LBP: variants seen among roughly 807,000 people sequenced by gnomAD.
LBP encodes the protein lipopolysaccharide-binding protein.
Under a neutral mutation model 56.6 loss-of-function variants are expected in LBP, and 53 were observed. That is an observed-to-expected ratio of 0.94 (90% CI 0.75 to 1.18). The LOEUF (loss-of-function observed/expected upper bound fraction) is 1.18. Among genes scored for constraint, LBP ranks in the 50% most tolerant of loss-of-function variants. The pLI is 0.00. For missense variants in LBP, 601 were observed against 598.3 expected, an observed-to-expected ratio of 1.00 and a Z score of -0.05; for synonymous variants, 227 against 247.5, an observed-to-expected ratio of 0.92 and a Z score of 0.78.
rs201494895 is a variant in LBP, at chr20:38,360,777, C to A, written c.652+10C>A. The A allele has an allele frequency of 1.1e-4, 179 of 1,590,566 alleles. No individual in the cohort carries two copies. In the African/African-American group the frequency reaches 2.1e-3, roughly 19 times the overall value. On this transcript the variant is annotated intron_variant, in intron 6 of 14. Transcript: ENST00000217407. ...CTCCAAACTCTGCCAGGTAGGACAC[C>A]CCATCCATCCCGGGACACTTTTATT...
chr20:38,349,500 G>T (rs974124770), intron 1 of LBP, 48 bp from the exon 2 acceptor site: 20 of 1,410,324 alleles, frequency 1.4e-5, no homozygotes, highest in East Asian at 1.2e-4. Context: ...TAGAGCAGGG[G>T]AGGAGGCAGG....
intron 6 of LBP, among the ~76,000 whole-genome samples, chr20:38,361,877 C>T (rs2076861395): frequency 6.6e-6 from 1 of 151,796 alleles, no homozygotes; most frequent in South Asian, 2.1e-4. Context: ...GCCCAGCCCT[C>T]CAGGGTCACC....
rs769757826 is a variant in LBP, at chr20:38,364,607, C to T, written c.776C>T (p.Pro259Leu). The T allele has an allele frequency of 9.3e-6, 15 of 1,614,042 alleles. No individual in the cohort carries two copies. The East Asian group carries it at 3.1e-4, about 34-fold the overall frequency. Residue 259 changes from proline to leucine, a missense_variant, in exon 8 of 15, where the codon CCA becomes CTA. Coordinates refer to ENST00000217407, the MANE Select transcript of LBP (RefSeq NM_004139.5). ...GEIFHRNHRS[P>L]VTLLAAVMSL... is the part of the protein sequence containing the mutation. ...ATCTTTCATCGTAACCACCGTTCTCCAGTTACCCTCCTTGCTGCAGTCATG... is the reference window on the plus strand; with the variant it reads ...ATCTTTCATCGTAACCACCGTTCTCTAGTTACCCTCCTTGCTGCAGTCATG...
At chr20:38,369,365 A>G (rs1277988584) in intron 10 of LBP, among the ~76,000 whole-genome samples, 1 of 151,732 alleles carries the variant, frequency 6.6e-6, no homozygotes, top group African/African-American at 2.4e-5. Flanking sequence ...GTAACACCCC[A>G]TTATCTTTCT....
At chr20:38,359,584 AAAAC>A (rs2076852431) in intron 5 of LBP, among the ~76,000 whole-genome samples, 2 of 142,272 alleles carry the variant, frequency 1.4e-5, no homozygotes, top group African/African-American at 6.0e-5. Flanking sequence ...TGTGTCTCAA[AAAAC>A]AAACAACAAC....
chr20:38,363,887 G>T, intron 6 of LBP, 88 bp from the exon 7 acceptor site: 1 of 919,958 alleles, frequency 1.1e-6, no homozygotes. Context: ...AAAGTCACAG[G>T]GAATGTGAGT....
At chr20:38,354,498 A>T (rs1029098960) in intron 4 of LBP, 59 bp downstream of exon 4, 5 of 1,511,700 alleles carry the variant, frequency 3.3e-6, no homozygotes, top group Non-Finnish European at 4.5e-6. Context: ...CGGCCAATCC[A>T]GCGCTCAGCC....
chr20:38,375,961 C>T (rs2083956499), intron 14 of LBP, among the ~76,000 whole-genome samples: 1 of 152,178 alleles, frequency 6.6e-6, no homozygotes, highest in Non-Finnish European at 1.5e-5. Flanking sequence ...TGCTCTTGAG[C>T]ATTTATAAGT....
intron 4 of LBP, 101 bp downstream of exon 4, chr20:38,354,540 C>CT: frequency 9.3e-7 from 1 of 1,076,766 alleles, no homozygotes. Flanking sequence ...ATCCAGGTGG[C>CT]TTGCACAGGC....
In LBP at chr20:38,355,326, G is replaced by C; in HGVS notation, c.525-20G>C. ...CCGGCCATCCCCAAGTTCAGTGGCA[G>C]ACTGTGCTTCTCTCCCCAGGTGGCT... On this transcript the variant is annotated intron_variant, in intron 4 of 14. Transcript: ENST00000217407. 6.2e-7 allele frequency: 1 copy of C among 1,613,256 alleles called. No individual in the cohort carries two copies. Among genetic ancestry groups the C allele is most frequent in the Non-Finnish European group, 8.5e-7 (1 of 1,179,520 alleles).
intron 3 of LBP, among the ~76,000 whole-genome samples, chr20:38,353,980 T>C (rs2122599362): frequency 6.6e-6 from 1 of 152,298 alleles, no homozygotes; most frequent in Non-Finnish European, 1.5e-5. Flanking sequence ...AATTTTTTTT[T>C]TACTTTACAT....
At chr20:38,350,301 G>A (rs745524235) in intron 2 of LBP, among the ~76,000 whole-genome samples, 8 of 152,138 alleles carry the variant, frequency 5.3e-5, no homozygotes, top group Admixed American at 6.5e-5. Flanking sequence ...CTATGTGCCC[G>A]GCAAATAAAA....
At chr20:38,369,337 C>T (rs1460742399) in intron 10 of LBP, among the ~76,000 whole-genome samples, 175 bp downstream of exon 10, 1 of 152,142 alleles carries the variant, frequency 6.6e-6, no homozygotes, top group Non-Finnish European at 1.5e-5. Flanking sequence ...TACCTTACGC[C>T]CCTTGCCACT....
At chr20:38,364,439 A>G (rs1442888576) in intron 7 of LBP, 137 bp from the exon 8 acceptor site, 12 of 826,618 alleles carry the variant, frequency 1.5e-5, no homozygotes, top group East Asian at 2.4e-5. Context: ...ATTAAAAGAC[A>G]TAACACTGCC....
At chr20:38,351,673 G>A (rs1185655219) in intron 3 of LBP, among the ~76,000 whole-genome samples, 1 of 152,170 alleles carries the variant, frequency 6.6e-6, no homozygotes, top group Admixed American at 6.5e-5. Context: ...TTGGCTTGCA[G>A]ATGGCTGCCC....
At chr20:38,361,903 A>T (rs749270800) in intron 6 of LBP, among the ~76,000 whole-genome samples, 2 of 151,998 alleles carry the variant, frequency 1.3e-5, no homozygotes, top group Non-Finnish European at 2.9e-5. Context: ...CCCAACTTCT[A>T]CCAGCAAAGA....
intron 14 of LBP, among the ~76,000 whole-genome samples, chr20:38,374,231 C>T (rs1360055851): frequency 6.6e-6 from 1 of 152,238 alleles, no homozygotes; most frequent in African/African-American, 2.4e-5. Flanking sequence ...TGGCATTTGA[C>T]ACAGCCCTAT....
At chr20:38,362,786 A>C (rs1191971447) in intron 6 of LBP, among the ~76,000 whole-genome samples, 2 of 151,830 alleles carry the variant, frequency 1.3e-5, no homozygotes, top group East Asian at 3.9e-4. Flanking sequence ...CATCTCTACA[A>C]TAAATACAAA....
At chr20:38,348,787 AGTTTT>A (rs796439469) in intron 1 of LBP, among the ~76,000 whole-genome samples, 6,377 of 135,324 alleles carry the variant, frequency 0.047, 328 homozygotes, top group Middle Eastern at 0.14. Context: ...AGTTTAGTTT[AGTTTT>A]GTTTTGTTTT....
Sources: allele counts gnomAD v4.1 joint callset (sites outside exome capture counted in the v4.1 genomes callset), GRCh38; gene constraint gnomAD v4.1.1; transcripts MANE v1.5; gene names NCBI Gene and HGNC (gene_info 2026-07-23, HGNC 2026-07-21).